GALNT10: variants seen among roughly 807,000 people sequenced by gnomAD.
GALNT10 encodes GalNAc transferase 10.
A neutral mutation model predicts 75.0 loss-of-function variants in GALNT10; 41 were observed. The ratio of observed to expected loss-of-function variants is 0.55; its 90% CI spans 0.43 to 0.71. GALNT10 has a LOEUF of 0.71. Among genes scored for constraint, GALNT10 ranks in the 30% least tolerant of loss-of-function variants. The pLI, the probability that GALNT10 is intolerant of heterozygous loss-of-function variation, is 0.00. For synonymous variants in GALNT10, 302 were observed against 313.0 expected (o/e 0.96, Z 0.37); for missense variants, 727 against 818.5 (o/e 0.89, Z 1.36).
intron 4 of GALNT10, among the ~76,000 whole-genome samples, chr5:154,374,958 G>T (rs1311633854): frequency 1.3e-5 from 2 of 152,110 alleles, no homozygotes; most frequent in Non-Finnish European, 2.9e-5. Flanking sequence ...TTCATCTATG[G>T]TGTTTAAAGT....
chr5:154,339,038 C>G (rs1754988888), intron 4 of GALNT10, among the ~76,000 whole-genome samples: 2 of 152,236 alleles, frequency 1.3e-5, no homozygotes. Flanking sequence ...TCCACAACCT[C>G]CCTTAGAGGT....
intron 5 of GALNT10, among the ~76,000 whole-genome samples, chr5:154,380,212 CTG>C (rs1188559510): frequency 6.6e-6 from 1 of 152,118 alleles, no homozygotes; most frequent in Non-Finnish European, 1.5e-5. Context: ...GAGGAGAACA[CTG>C]GGGTTTGGAG....
rs534003159 is a variant in GALNT10 at position 154,320,379 on chromosome 5, G to A, written c.402-9193G>A. Among the ~76,000 whole-genome samples, 18 of 152,286 alleles carry A rather than the reference G, an allele frequency of 1.2e-4. No individual in the cohort carries two copies. In the East Asian group the frequency reaches 3.1e-3, roughly 26 times the overall value. On this transcript the variant is annotated intron_variant, in intron 3 of 11. Transcript: ENST00000297107. ...TGTCTAACTGCAGGCTGTGGGGCCC[G>A]GCTCTGGGCCTGGAGTGAGTGAGGG...
chr5:154,295,197 C>T (rs11956303), intron 2 of GALNT10, among the ~76,000 whole-genome samples: 11,180 of 152,204 alleles, frequency 0.073, 426 homozygotes, highest in Middle Eastern at 0.1. Flanking sequence ...GAAAATGTCT[C>T]CCTCATAAAG....
intron 3 of GALNT10, among the ~76,000 whole-genome samples, chr5:154,309,628 G>T (rs1273459858): frequency 6.6e-6 from 1 of 151,760 alleles, no homozygotes; most frequent in Non-Finnish European, 1.5e-5. Context: ...TTACTTACAA[G>T]AATGTGGATA....
chr5:154,380,781 A>C, intron 6 of GALNT10, 150 bp downstream of exon 6: 1 of 590,340 alleles, frequency 1.7e-6, no homozygotes, highest in Non-Finnish European at 3.0e-6. Context: ...AGATATCCCC[A>C]GCCAGTAGCA....
At chr5:154,228,060 A>G (rs539057503) in intron 1 of GALNT10, among the ~76,000 whole-genome samples, 1 of 152,176 alleles carries the variant, frequency 6.6e-6, no homozygotes, top group African/African-American at 2.4e-5. Flanking sequence ...TACATTCTCC[A>G]TGTGATGTGC....
chr5:154,241,141 G>A (rs962707442), intron 1 of GALNT10, among the ~76,000 whole-genome samples: 18 of 152,122 alleles, frequency 1.2e-4, no homozygotes, highest in African/African-American at 4.3e-4. Context: ...GGTTTTTCTG[G>A]AAATGTCCAT....
At chr5:154,306,430 T>G (rs1754434130) in intron 3 of GALNT10, among the ~76,000 whole-genome samples, 1 of 152,090 alleles carries the variant, frequency 6.6e-6, no homozygotes, top group Admixed American at 6.5e-5. Context: ...AAATAACAGA[T>G]GGGTCAAAAA....
intron 2 of GALNT10, among the ~76,000 whole-genome samples, chr5:154,297,028 A>G (rs935563060): frequency 2.0e-5 from 3 of 152,248 alleles, no homozygotes; most frequent in Non-Finnish European, 4.4e-5. Flanking sequence ...CACAAGCTCC[A>G]GAAGGCAAGA....
intron 4 of GALNT10, among the ~76,000 whole-genome samples, chr5:154,353,295 C>A (rs1176252514): frequency 1.3e-5 from 2 of 152,092 alleles, no homozygotes; most frequent in African/African-American, 4.8e-5. Context: ...GACACCACCC[C>A]CCGCAAAACG....
intron 7 of GALNT10, chr5:154,389,109 G>A (rs1748327462): frequency 6.6e-6 from 1 of 151,896 alleles, no homozygotes; most frequent in South Asian, 2.1e-4. Context: ...TAGTCAGTGG[G>A]GGAGGGATCT....
chr5:154,364,725 C>A (rs1309058127), intron 4 of GALNT10, among the ~76,000 whole-genome samples: 1 of 151,982 alleles, frequency 6.6e-6, no homozygotes, highest in Admixed American at 6.6e-5. Flanking sequence ...GTCATGGAAG[C>A]CGGCATCCTA....
In GALNT10 at chr5:154,192,435, C is replaced by T. The variant is rs572582630; in HGVS notation, c.159+1410C>T. 2.6e-5 allele frequency among the ~76,000 whole-genome samples: 4 copies of T among 152,352 alleles called. No homozygotes were observed. In the East Asian group the frequency reaches 5.8e-4, roughly 22 times the overall value. On this transcript the variant is annotated intron_variant, in intron 1 of 11. Transcript: ENST00000297107. ...GAAATTCTGTATCTGTATGGATTTT[C>T]CGTTCATGAAATCTCTTTCCTCTGT... is the stretch of plus-strand genomic sequence containing the variant.
chr5:154,218,625 C>T (rs977593950), intron 1 of GALNT10, among the ~76,000 whole-genome samples: 1 of 152,118 alleles, frequency 6.6e-6, no homozygotes, highest in Non-Finnish European at 1.5e-5. Context: ...TCTTCTGAGC[C>T]ATTTCTAGAA....
At chr5:154,247,091 G>A (rs1012451272) in intron 1 of GALNT10, among the ~76,000 whole-genome samples, 2 of 152,110 alleles carry the variant, frequency 1.3e-5, no homozygotes, top group Admixed American at 6.5e-5. Context: ...TCTTGTTTTT[G>A]TCAGGTTTGT....
intron 4 of GALNT10, among the ~76,000 whole-genome samples, chr5:154,342,039 G>C (rs1755039345): frequency 6.6e-6 from 1 of 152,144 alleles, no homozygotes; most frequent in Non-Finnish European, 1.5e-5. Context: ...GACTGGGTAA[G>C]GTACTGCACC....
At chr5:154,313,696 T>C (rs1463551439) in intron 3 of GALNT10, among the ~76,000 whole-genome samples, 2 of 151,996 alleles carry the variant, frequency 1.3e-5, no homozygotes, top group Non-Finnish European at 2.9e-5. Context: ...AGTCAGACTG[T>C]GTTAAAGAGA....
chr5:154,243,638 A>G (rs1561638800), intron 1 of GALNT10, among the ~76,000 whole-genome samples: 1 of 152,218 alleles, frequency 6.6e-6, no homozygotes, highest in Non-Finnish European at 1.5e-5. Flanking sequence ...GTTCTTTCTC[A>G]TGTGGTCATC....
Sources: allele counts gnomAD v4.1 joint callset (sites outside exome capture counted in the v4.1 genomes callset), GRCh38; gene constraint gnomAD v4.1.1; transcripts MANE v1.5; gene names NCBI Gene and HGNC (gene_info 2026-07-23, HGNC 2026-07-21).